ZNF888: variants seen among roughly 807,000 people sequenced by gnomAD.
The protein encoded by ZNF888 is CTD-2331H12.6.
Under a neutral mutation model 7.2 loss-of-function variants are expected in ZNF888, and 5 were observed. That is an observed-to-expected ratio of 0.70 (90% CI 0.36 to 1.46). The LOEUF (loss-of-function observed/expected upper bound fraction) is 1.46, where lower values mean the gene tolerates loss of function less well. Ranked by LOEUF, ZNF888 falls within the 40% of genes most tolerant of loss-of-function variation. The pLI, the probability that ZNF888 is intolerant of heterozygous loss-of-function variation, is 0.03. For missense variants in ZNF888, 716 were observed against 858.0 expected, an observed-to-expected ratio of 0.83 and a Z score of 2.07; for synonymous variants, 240 against 284.3, an observed-to-expected ratio of 0.84 and a Z score of 1.57.
chr19:52,908,034 A>G lies in ZNF888; in HGVS notation c.288T>C (p.Phe96=). ...TTTCATCTTCTTGCCACTGAAACAC[A>G]AAGTCATGAATGTCTTTCTCAATTT... ...FQEIEKDIHD[F]VFQWQEDETN... Residue 96 remains phenylalanine (F), a synonymous_variant, in exon 5 of 5, where the codon TTT becomes TTC. Coordinates refer to ENST00000638862, the MANE Select transcript of ZNF888 (RefSeq NM_001393938.1). 1 of 1,614,142 alleles carries G rather than the reference A, an allele frequency of 6.2e-7. No individual in the cohort carries two copies. Among genetic ancestry groups the G allele is most frequent in the Non-Finnish European group, 8.5e-7 (1 of 1,180,018 alleles).
intron 1 of ZNF888, 54 bp downstream of exon 1, chr19:52,923,315 G>C (rs1600695723): frequency 5.1e-6 from 5 of 985,654 alleles, no homozygotes; most frequent in Non-Finnish European, 6.0e-6. Context: ...CCCAGGTACA[G>C]AATTGCCGGG....
At position 52,907,637 on chromosome 19, in the gene ZNF888, AGAGT is replaced by A. The variant is rs1279371069; in HGVS notation, c.681_684del (p.Phe229LysfsTer5). Reference sequence around the variant, plus strand: ...AGATGAATTATCTGATGTTTTTTAAAGAGTGAGCTACAATTAAAGGATTTGCCAC... The same window carrying A: ...AGATGAATTATCTGATGTTTTTTAAAGAGCTACAATTAAAGGATTTGCCAC... On this transcript the variant is annotated frameshift_variant, in exon 5 of 5. Coordinates refer to ENST00000638862, the MANE Select transcript of ZNF888 (RefSeq NM_001393938.1). LOFTEE classifies it low-confidence loss of function (END_TRUNC). 1 of 1,603,122 alleles carries A rather than the reference AGAGT, an allele frequency of 6.2e-7. No individual in the cohort carries two copies. Among genetic ancestry groups the A allele is most frequent in the Non-Finnish European group, 8.5e-7 (1 of 1,176,088 alleles).
rs185195427 is a variant in ZNF888, at chr19:52,911,423, C to T, written c.143-3244G>A. ...GCATGATCTCAGCTCACTGCAACCTCCATCTCCCGGGTTCACGCCATTCTC... is the reference window on the plus strand; with the variant it reads ...GCATGATCTCAGCTCACTGCAACCTTCATCTCCCGGGTTCACGCCATTCTC... On this transcript the variant is annotated intron_variant, in intron 4 of 4. Coordinates refer to ENST00000638862, the MANE Select transcript of ZNF888 (RefSeq NM_001393938.1). Among the ~76,000 whole-genome samples the T allele has an allele frequency of 6.4e-4, 97 of 151,998 alleles. 1 individual carries two copies. Among genetic ancestry groups the T allele is most frequent in the Non-Finnish European group, 6.9e-4 (47 of 67,960 alleles).
At position 52,905,739 on chromosome 19, in the gene ZNF888, C is replaced by T. The variant is rs995961020; in HGVS notation, c.*426G>A. On this transcript the variant is annotated 3_prime_UTR_variant, in exon 5 of 5. Coordinates refer to ENST00000638862, the MANE Select transcript of ZNF888 (RefSeq NM_001393938.1). ...TTAATGCTTGATGGTTTGCTATACTCATTGCATTCGGAACTATTATCTCAA... is the reference window on the plus strand; with the variant it reads ...TTAATGCTTGATGGTTTGCTATACTTATTGCATTCGGAACTATTATCTCAA... The T allele has an allele frequency of 3.9e-6, 2 of 506,614 alleles. No homozygotes were observed. Among genetic ancestry groups the T allele is most frequent in the African/African-American group, 1.9e-5 (1 of 53,730 alleles). The allele number at this position is 506,614 out of a possible 1,614,324, so 31.4% of individuals were successfully genotyped here.
chr19:52,909,776 C>T (rs1291022889), intron 4 of ZNF888, among the ~76,000 whole-genome samples: 1 of 152,010 alleles, frequency 6.6e-6, no homozygotes, highest in Non-Finnish European at 1.5e-5. Flanking sequence ...TTGTTCTTAC[C>T]ACCAGTACAC....
intron 3 of ZNF888, among the ~76,000 whole-genome samples, chr19:52,916,615 CATAT>C (rs67843514): frequency 0.013 from 1,649 of 131,320 alleles, 16 homozygotes; most frequent in Middle Eastern, 0.015. Context: ...TATACATATA[CATAT>C]ATATATATAT....
intron 4 of ZNF888, among the ~76,000 whole-genome samples, chr19:52,910,827 T>G (rs1289112955): frequency 1.3e-5 from 2 of 152,208 alleles, no homozygotes; most frequent in Non-Finnish European, 2.9e-5. Flanking sequence ...TCTTTGAGAT[T>G]GAGTCATGCT....
chr19:52,906,273 A>C lies in ZNF888; in HGVS notation c.2049T>G (p.Ile683Met). The change falls in exon 5 of 5, where the codon ATT (isoleucine) becomes ATG (methionine). Residue 683 changes from isoleucine to methionine, a missense_variant. Coordinates refer to ENST00000638862, the MANE Select transcript of ZNF888 (RefSeq NM_001393938.1). ...CYSHLAQHTRIHTGEKPFKCS... is the reference protein window; with the variant it reads ...CYSHLAQHTRMHTGEKPFKCS... Reference sequence around the variant, plus strand: ...ACTTGAAAGGTTTCTCTCCAGTATGAATTCTAGTATGTTGTGCCAGGTGTG... The same window carrying C: ...ACTTGAAAGGTTTCTCTCCAGTATGCATTCTAGTATGTTGTGCCAGGTGTG... 6.2e-7 allele frequency: 1 copy of C among 1,612,444 alleles called. No homozygotes were observed. Among genetic ancestry groups the C allele is most frequent in the Non-Finnish European group, 8.5e-7 (1 of 1,179,062 alleles).
intron 4 of ZNF888, among the ~76,000 whole-genome samples, chr19:52,912,657 G>T (rs1271996066): frequency 1.3e-5 from 2 of 151,300 alleles, no homozygotes; most frequent in Admixed American, 1.3e-4. Context: ...TTGAACCTGG[G>T]AGGTGGAGGT....
intron 3 of ZNF888, among the ~76,000 whole-genome samples, chr19:52,915,815 C>T (rs1003998865): frequency 1.3e-5 from 2 of 152,234 alleles, no homozygotes; most frequent in Non-Finnish European, 2.9e-5. Context: ...GAGGTCAAGA[C>T]ACCCTGTCAG....
Position 52,906,693 on chromosome 19 carries a change from A to G in ZNF888, c.1629T>C (p.Ile543=). 6.2e-7 allele frequency: 1 copy of G among 1,606,910 alleles called. No homozygotes were observed. The highest frequency in any genetic ancestry group is 1.1e-5 in the South Asian group (1 of 90,064). ...QNSSLVMHKV[I]HTGEKRYKCN... ...ACTTGTAACGTTTCTCTCCAGTATGAATGACCTTATGCATTACAAGAGATG... is the reference window on the plus strand; with the variant it reads ...ACTTGTAACGTTTCTCTCCAGTATGGATGACCTTATGCATTACAAGAGATG... The change falls in exon 5 of 5, where the codon ATT becomes ATC. Residue 543 remains isoleucine (I), a synonymous_variant. Transcript: ENST00000638862.
At chr19:52,911,289 A>G (rs2064674699) in intron 4 of ZNF888, among the ~76,000 whole-genome samples, 1 of 151,780 alleles carries the variant, frequency 6.6e-6, no homozygotes, top group Non-Finnish European at 1.5e-5. Context: ...CTGGGATTAG[A>G]GGAGTGAGCC....
At chr19:52,912,099 C>G (rs1039201794) in intron 4 of ZNF888, among the ~76,000 whole-genome samples, 1 of 149,494 alleles carries the variant, frequency 6.7e-6, no homozygotes, top group Non-Finnish European at 1.5e-5. Flanking sequence ...AGGAGTGAGC[C>G]ACTGTGCCCG....
At chr19:52,910,713 A>T (rs147008928) in intron 4 of ZNF888, among the ~76,000 whole-genome samples, 1 of 152,164 alleles carries the variant, frequency 6.6e-6, no homozygotes, top group East Asian at 1.9e-4. Flanking sequence ...CTCACCAGGA[A>T]CTTATTTGGC....
rs1031403618 is a variant in ZNF888, at chr19:52,906,593, G to T, written c.1729C>A (p.Pro577Thr). The T allele has an allele frequency of 1.2e-6, 2 of 1,613,804 alleles. No individual in the cohort carries two copies. The highest frequency in any genetic ancestry group is 1.3e-5 in the African/African-American group (1 of 74,994). ...TTGCCACATTCATTACACTTGTAAG[G>T]TTTCTCTCCAGTATGAAGTCTATGA... ...YHHRLHTGEK[P>T]YKCNECGKVF... The change falls in exon 5 of 5, where the codon CCT (proline) becomes ACT (threonine). Residue 577 changes from proline (P) to threonine (T), a missense_variant. This residue lies in a region of ZNF888 where 697 missense variants were observed against 803.4 expected (regional missense o/e 0.87). Coordinates refer to ENST00000638862, the MANE Select transcript of ZNF888 (RefSeq NM_001393938.1).
intron 1 of ZNF888, among the ~76,000 whole-genome samples, chr19:52,921,901 C>T (rs10418006): frequency 0.022 from 3,286 of 152,110 alleles, 106 homozygotes; most frequent in African/African-American, 0.075. Context: ...TGCACTTCAG[C>T]CTGGGCAACA....
At chr19:52,918,299 G>A in intron 2 of ZNF888, 1 of 603,298 alleles carries the variant, frequency 1.7e-6, no homozygotes, top group African/African-American at 2.0e-5. Context: ...AGACCAGCCT[G>A]GGCAACATGG....
intron 4 of ZNF888, among the ~76,000 whole-genome samples, chr19:52,909,833 T>A (rs2064655648): frequency 6.6e-6 from 1 of 152,024 alleles, no homozygotes; most frequent in Non-Finnish European, 1.5e-5. Flanking sequence ...TTCTAATATA[T>A]GAGGTCAAGA....
chr19:52,922,130 C>T, intron 1 of ZNF888, among the ~76,000 whole-genome samples: 1 of 152,136 alleles, frequency 6.6e-6, no homozygotes, highest in East Asian at 1.9e-4. Context: ...GCCTGGCCAA[C>T]ATGGTGAAAT....
Sources: gnomAD v4.1 joint callset for allele counts (sites outside exome capture counted in the v4.1 genomes callset) on GRCh38, gnomAD v4.1.1 for gene constraint, gnomAD v4.1.1 regional missense constraint, MANE v1.5 for transcripts, NCBI Gene and HGNC (gene_info 2026-07-23, HGNC 2026-07-21) for gene names.